Variants in SYNPR observed in about 807,000 individuals in gnomAD.
SYNPR encodes the protein synaptoporin.
SYNPR carries 23 observed loss-of-function variants against 32.9 expected under a neutral mutation model. The ratio of observed to expected loss-of-function variants is 0.70; its 90% confidence interval spans 0.50 to 0.99. The LOEUF (loss-of-function observed/expected upper bound fraction) is 0.99, where lower values mean the gene tolerates loss of function less well. SYNPR is among the 50% of genes least tolerant of loss of function. SYNPR has a pLI of 0.00. For synonymous variants in SYNPR, 146 were observed against 135.9 expected, an observed-to-expected ratio of 1.07 and a Z score of -0.52; for missense variants, 318 against 349.3, an observed-to-expected ratio of 0.91 and a Z score of 0.71.
chr3:63,428,940 A>C (rs2107142306), intron 2 of SYNPR, among the ~76,000 whole-genome samples: 1 of 152,344 alleles, frequency 6.6e-6, no homozygotes, highest in South Asian at 2.1e-4. Flanking sequence ...TTCTTGCATA[A>C]GAAAAGCCAC....
intron 4 of SYNPR, among the ~76,000 whole-genome samples, chr3:63,566,288 C>A (rs1702787724): frequency 6.6e-6 from 1 of 152,088 alleles, no homozygotes; most frequent in African/African-American, 2.4e-5. Flanking sequence ...AAATATTTTA[C>A]TATTTAAAGA....
intron 2 of SYNPR, among the ~76,000 whole-genome samples, chr3:63,403,301 C>A (rs1284207695): frequency 6.6e-6 from 1 of 151,996 alleles, no homozygotes; most frequent in Non-Finnish European, 1.5e-5. Context: ...TTGAAAAGAA[C>A]ATTAAATAAT....
chr3:63,306,590 A>G (rs189293741), intron 2 of SYNPR, among the ~76,000 whole-genome samples: 9 of 152,130 alleles, frequency 5.9e-5, no homozygotes, highest in Non-Finnish European at 1.3e-4. Flanking sequence ...AAATTTACCA[A>G]GGAGTTCATT....
intron 3 of SYNPR, among the ~76,000 whole-genome samples, chr3:63,524,555 A>T (rs558291391): frequency 2.0e-5 from 3 of 152,196 alleles, no homozygotes; most frequent in African/African-American, 7.2e-5. Context: ...CAGAGCATAG[A>T]TTGGGCAATG....
chr3:63,243,752 G>C (rs781072654), intron 1 of SYNPR, among the ~76,000 whole-genome samples: 60 of 152,026 alleles, frequency 3.9e-4, no homozygotes, highest in Non-Finnish European at 7.5e-4. Context: ...TTACGTATAT[G>C]GTCATTTTGT....
At chr3:63,567,111 A>C (rs1425164055) in intron 4 of SYNPR, among the ~76,000 whole-genome samples, 1 of 152,168 alleles carries the variant, frequency 6.6e-6, no homozygotes, top group East Asian at 1.9e-4. Context: ...GTCATTATAG[A>C]CAAATGCAAT....
At chr3:63,254,175 G>A (rs893318013) in intron 2 of SYNPR, among the ~76,000 whole-genome samples, 8 of 152,124 alleles carry the variant, frequency 5.3e-5, no homozygotes, top group South Asian at 2.1e-4. Context: ...TTGTGGGGTG[G>A]GGGGAGAGGG....
intron 3 of SYNPR, among the ~76,000 whole-genome samples, chr3:63,492,839 T>C (rs1701281354): frequency 1.3e-5 from 2 of 152,136 alleles, no homozygotes; most frequent in Non-Finnish European, 2.9e-5. Flanking sequence ...TTCTAGTTTT[T>C]TCCTTACATC....
chr3:63,516,742 A>G (rs576420400), intron 3 of SYNPR, among the ~76,000 whole-genome samples: 2 of 152,252 alleles, frequency 1.3e-5, no homozygotes, highest in East Asian at 1.9e-4. Flanking sequence ...TTCCAAAAGC[A>G]GAGGAGAATC....
At chr3:63,592,437 T>C (rs1486051802) in intron 4 of SYNPR, among the ~76,000 whole-genome samples, 1 of 151,724 alleles carries the variant, frequency 6.6e-6, no homozygotes, top group Non-Finnish European at 1.5e-5. Context: ...GAGGAAAAGA[T>C]GACAAAAAAA....
At chr3:63,313,690 C>T (rs12496700) in intron 2 of SYNPR, among the ~76,000 whole-genome samples, 17,531 of 46,382 alleles carry the variant, frequency 0.38, 5,260 homozygotes, top group Non-Finnish European at 0.47. Flanking sequence ...CATATATATC[C>T]ATATATATAT....
chr3:63,518,700 A>T (rs917884072), intron 3 of SYNPR, among the ~76,000 whole-genome samples: 1 of 152,146 alleles, frequency 6.6e-6, no homozygotes, highest in Non-Finnish European at 1.5e-5. Flanking sequence ...CACAGTTCTG[A>T]GTGCTTTACA....
chr3:63,616,564 G>A lies in SYNPR; in HGVS notation c.*1083G>A, dbSNP rs1053213296. On this transcript the variant is annotated 3_prime_UTR_variant, in exon 6 of 6. Coordinates refer to ENST00000478300, the MANE Select transcript of SYNPR (RefSeq NM_001130003.2). ...AGTCACAGCTAAACTTACTAATTCT[G>A]ATTTTAGTGTAGCCCCTAAATTAAA... The A allele has an allele frequency of 6.6e-6, 1 of 152,574 alleles. No individual in the cohort carries two copies. The highest frequency in any genetic ancestry group is 2.4e-5 in the African/African-American group (1 of 41,422). 9.5% of individuals were successfully genotyped at this position (152,574 alleles called of 1,614,324 possible).
intron 3 of SYNPR, among the ~76,000 whole-genome samples, chr3:63,555,832 A>G (rs1575708801): frequency 1.3e-5 from 2 of 152,082 alleles, no homozygotes; most frequent in East Asian, 1.9e-4. Context: ...GTGGGACTGA[A>G]AAAAAAAGTA....
Position 63,506,723 on chromosome 3 carries a change from C to T in SYNPR, c.209+25767C>T, listed in dbSNP as rs142671874. Among the ~76,000 whole-genome samples, 174 of 152,142 alleles carry T rather than the reference C, an allele frequency of 1.1e-3. 1 individual carries two copies. The highest frequency in any genetic ancestry group is 3.6e-3 in the African/African-American group (150 of 41,496). ...TTCATATGGCATACTTTGGGAAATG[C>T]GGAGTTAGACATTAACAAATTTTCT... On this transcript the variant is annotated intron_variant, in intron 3 of 5. Transcript: ENST00000478300.
intron 2 of SYNPR, among the ~76,000 whole-genome samples, chr3:63,412,755 G>A (rs2088483913): frequency 6.6e-6 from 1 of 152,112 alleles, no homozygotes; most frequent in Non-Finnish European, 1.5e-5. Context: ...AAAAGATAAG[G>A]CCAGAGATGT....
chr3:63,210,632 A>C, the SYNPR span, among the ~76,000 whole-genome samples: 3 of 152,230 alleles, frequency 2.0e-5, no homozygotes, highest in African/African-American at 7.2e-5. Flanking sequence ...AAAACTGAGC[A>C]AAAGAGTGGC....
chr3:63,245,342 T>G (rs2086275869), intron 1 of SYNPR, among the ~76,000 whole-genome samples: 1 of 106,910 alleles, frequency 9.4e-6, no homozygotes, highest in South Asian at 2.4e-4. Context: ...ATTTAAAATC[T>G]GTCATTGACT....
chr3:63,507,211 G>A (rs1505588), intron 3 of SYNPR, among the ~76,000 whole-genome samples: 126,692 of 151,980 alleles, frequency 0.83, 53,423 homozygotes, highest in East Asian at 1. Flanking sequence ...TGCTCTAAGC[G>A]GTGCATAAAA....
Sources: gnomAD v4.1 joint callset for allele counts (sites outside exome capture counted in the v4.1 genomes callset) on GRCh38, gnomAD v4.1.1 for gene constraint, MANE v1.5 for transcripts, NCBI Gene and HGNC (gene_info 2026-07-23, HGNC 2026-07-21) for gene names.